Variants in F7 observed in about 807,000 individuals in gnomAD.
F7 encodes the protein coagulation factor VII.
A neutral mutation model predicts 47.5 loss-of-function variants in F7; 38 were observed. The ratio of observed to expected loss-of-function variants is 0.80; its 90% confidence interval spans 0.62 to 1.05. The LOEUF (loss-of-function observed/expected upper bound fraction) is 1.05, where lower values mean the gene tolerates loss of function less well. Among genes scored for constraint, F7 ranks in the 50% least tolerant of loss-of-function variants. The pLI is 0.00. For missense variants in F7, 575 were observed against 605.4 expected, an observed-to-expected ratio of 0.95 and a Z score of 0.53; for synonymous variants, 244 against 258.5, an observed-to-expected ratio of 0.94 and a Z score of 0.54.
chr13:113,118,639 G>C lies in F7; in HGVS notation c.966G>C (p.Trp322Cys). 1 of 1,612,942 alleles carries C rather than the reference G, an allele frequency of 6.2e-7. No individual in the cohort carries two copies. Among genetic ancestry groups the C allele is most frequent in the Middle Eastern group, 1.6e-4 (1 of 6,062 alleles). Residue 322 changes from tryptophan to cysteine, a missense_variant, in exon 8 of 8, where the codon TGG (tryptophan) becomes TGC (cysteine). Coordinates refer to ENST00000346342, the MANE Select transcript of F7 (RefSeq NM_019616.4). Reference sequence around the variant, plus strand: ...TGCGCTTCTCATTGGTCAGCGGCTGGGGCCAGCTGCTGGACCGTGGCGCCA... The same window carrying C: ...TGCGCTTCTCATTGGTCAGCGGCTGCGGCCAGCTGCTGGACCGTGGCGCCA... ...AFVRFSLVSG[W>C]GQLLDRGATA...
intron 2 of F7, among the ~76,000 whole-genome samples, chr13:113,112,906 A>T (rs1224018938): frequency 6.7e-6 from 1 of 148,850 alleles, no homozygotes; most frequent in Non-Finnish European, 1.5e-5. Flanking sequence ...ACCATACCTC[A>T]CACAGATCAC....
rs1325590499 is a variant in F7 at position 113,118,453 on chromosome 13, C to A, written c.780C>A (p.Ser260Arg). ...GCGAGCACGACGGGGATGAGCAGAGCCGGCGGGTGGCGCAGGTCATCATCC... is the reference window on the plus strand; with the variant it reads ...GCGAGCACGACGGGGATGAGCAGAGACGGCGGGTGGCGCAGGTCATCATCC... ...DLSEHDGDEQ[S>R]RRVAQVIIPS... Residue 260 changes from serine to arginine, a missense_variant, in exon 8 of 8, where the codon AGC becomes AGA. Physicochemically the swap from Ser to Arg is moderately radical, Grantham distance 110. Coordinates refer to ENST00000346342, the MANE Select transcript of F7 (RefSeq NM_019616.4). The A allele has an allele frequency of 6.2e-7, 1 of 1,605,422 alleles. No homozygotes were observed. Among genetic ancestry groups the A allele is most frequent in the Non-Finnish European group, 8.5e-7 (1 of 1,177,180 alleles).
At chr13:113,109,602 C>T (rs1418591728) in intron 1 of F7, among the ~76,000 whole-genome samples, 2 of 152,218 alleles carry the variant, frequency 1.3e-5, no homozygotes, top group Non-Finnish European at 2.9e-5. Flanking sequence ...CAGCGTCCAC[C>T]TGAGGCCTCG....
At chr13:113,108,617 G>A (rs1462754765) in intron 1 of F7, among the ~76,000 whole-genome samples, 3 of 104,498 alleles carry the variant, frequency 2.9e-5, no homozygotes, top group Non-Finnish European at 5.9e-5. Flanking sequence ...GGTGTCCCAG[G>A]AGTGTGGGTG....
chr13:113,118,909 T>G lies in F7; in HGVS notation c.1236T>G (p.Phe412Leu), dbSNP rs762882596. 1.2e-6 allele frequency: 2 copies of G among 1,612,324 alleles called. No individual in the cohort carries two copies. The highest frequency in any genetic ancestry group is 1.7e-6 in the Non-Finnish European group (2 of 1,179,846). Residue 412 changes from phenylalanine to leucine, a missense_variant, in exon 8 of 8, where the codon TTT becomes TTG. Physicochemically the swap from Phe to Leu is conservative, Grantham distance 22 (BLOSUM62 0). Coordinates refer to ENST00000346342, the MANE Select transcript of F7 (RefSeq NM_019616.4). ...AGGGCTGCGCAACCGTGGGCCACTT[T>G]GGGGTGTACACCAGGGTCTCCCAGT... is the stretch of plus-strand genomic sequence containing the variant. ...WGQGCATVGHFGVYTRVSQYI... is the reference protein window; with the variant it reads ...WGQGCATVGHLGVYTRVSQYI...
intron 2 of F7, among the ~76,000 whole-genome samples, chr13:113,111,084 G>C (rs934366387): frequency 6.6e-6 from 1 of 152,230 alleles, no homozygotes; most frequent in South Asian, 2.1e-4. Flanking sequence ...CGCGCATGCC[G>C]GTTTTCACAT....
chr13:113,118,831 T>A lies in F7; in HGVS notation c.1158T>A (p.His386Gln). ...DSCKGDSGGP[H>Q]ATHYRGTWYL... ...GCAAGGGGGACAGTGGAGGCCCACA[T>A]GCCACCCACTACCGGGGCACGTGGT... is the stretch of plus-strand genomic sequence containing the variant. The change falls in exon 8 of 8, where the codon CAT (histidine) becomes CAA (glutamine). Residue 386 changes from histidine to glutamine, a missense_variant. Transcript: ENST00000346342. 6.2e-7 allele frequency: 1 copy of A among 1,612,736 alleles called. No individual in the cohort carries two copies. The highest frequency in any genetic ancestry group is 8.5e-7 in the Non-Finnish European group (1 of 1,179,922).
In F7 at chr13:113,118,574, C is replaced by T; in HGVS notation, c.901C>T (p.Leu301=). The part of the protein sequence containing the change: ...VLTDHVVPLC[L]PERTFSERTL... ...CACTGACCATGTGGTGCCCCTCTGC[C>T]TGCCCGAACGGACGTTCTCTGAGAG... Residue 301 remains leucine (L), a synonymous_variant, in exon 8 of 8, where the codon CTG becomes TTG. Coordinates refer to ENST00000346342, the MANE Select transcript of F7 (RefSeq NM_019616.4). 1 of 1,612,784 alleles carries T rather than the reference C, an allele frequency of 6.2e-7. No homozygotes were observed. The highest frequency in any genetic ancestry group is 1.3e-5 in the African/African-American group (1 of 75,054).
chr13:113,110,397 T>A (rs1258908215), intron 1 of F7: 2 of 369,932 alleles, frequency 5.4e-6, no homozygotes, highest in Non-Finnish European at 9.7e-6. Flanking sequence ...GCCTCACGTT[T>A]ACGCGGCGGC....
intron 1 of F7, among the ~76,000 whole-genome samples, chr13:113,106,210 G>T (rs36208414): frequency 1.4e-5 from 2 of 143,526 alleles, no homozygotes; most frequent in Non-Finnish European, 3.0e-5. Context: ...GGGAGTCTGG[G>T]GCCTCTCAGA....
intron 1 of F7, chr13:113,110,411 C>T: frequency 2.5e-6 from 1 of 406,854 alleles, no homozygotes; most frequent in Non-Finnish European, 4.4e-6. Context: ...CGGCGGCGCC[C>T]GCAGCCCCCT....
chr13:113,110,296 T>G (rs1745939), intron 1 of F7: 1 of 190,208 alleles, frequency 5.3e-6, no homozygotes, highest in African/African-American at 2.4e-5. Context: ...CGGGCGGCTG[T>G]ACGGATTTCC....
intron 1 of F7, among the ~76,000 whole-genome samples, chr13:113,108,683 A>C (rs1388577937): frequency 3.5e-5 from 3 of 86,944 alleles, no homozygotes; most frequent in African/African-American, 1.6e-4. Context: ...AGGGTATCCC[A>C]GAAGTGTGAG....
intron 7 of F7, 130 bp from the exon 8 acceptor site, chr13:113,118,283 G>A: frequency 1.9e-6 from 2 of 1,056,160 alleles, no homozygotes; most frequent in South Asian, 1.6e-5. Context: ...GGGGTTAGAT[G>A]CAGGTCCCCT....
chr13:113,115,584 G>A lies in F7; in HGVS notation c.365-76G>A, dbSNP rs898602083. The stretch of plus-strand genomic sequence containing the variant: ...CAGGCAGAACACCACTGCTGACCCA[G>A]GGCATGGCCACCCCGGGGGCTGGCT... On this transcript the variant is annotated intron_variant, in intron 4 of 7. Coordinates refer to ENST00000346342, the MANE Select transcript of F7 (RefSeq NM_019616.4). 1.0e-5 allele frequency: 16 copies of A among 1,544,700 alleles called. No individual in the cohort carries two copies. In the East Asian group the frequency reaches 3.6e-4, roughly 35 times the overall value.
In F7 at chr13:113,118,678, C is replaced by A; in HGVS notation, c.1005C>A (p.Leu335=). The stretch of plus-strand genomic sequence containing the variant: ...ACCGTGGCGCCACGGCCCTGGAGCT[C>A]ATGGTCCTCAACGTGCCCCGGCTGA... ...LLDRGATALE[L]MVLNVPRLMT... is the part of the protein sequence containing the mutation. Residue 335 remains leucine, a synonymous_variant, in exon 8 of 8, where the codon CTC becomes CTA. Coordinates refer to ENST00000346342, the MANE Select transcript of F7 (RefSeq NM_019616.4). The A allele has an allele frequency of 6.2e-7, 1 of 1,612,916 alleles. No individual in the cohort carries two copies. Among genetic ancestry groups the A allele is most frequent in the Non-Finnish European group, 8.5e-7 (1 of 1,179,968 alleles).
At chr13:113,106,711 G>A (rs974462074) in intron 1 of F7, 2 of 754,152 alleles carry the variant, frequency 2.7e-6, no homozygotes, top group African/African-American at 3.7e-5. Context: ...GCGTGAGGAT[G>A]GCTAGTGGGG....
chr13:113,110,518 T>C (rs368988344), intron 1 of F7, 172 bp from the exon 2 acceptor site: 1 of 826,970 alleles, frequency 1.2e-6, no homozygotes, highest in South Asian at 1.8e-5. Context: ...CGGGGGTGGC[T>C]GACCCGGGAG....
chr13:113,116,269 T>A (rs1340538194), intron 5 of F7, among the ~76,000 whole-genome samples: 1 of 152,184 alleles, frequency 6.6e-6, no homozygotes, highest in African/African-American at 2.4e-5. Context: ...CCACTGTGTC[T>A]CAAAGAGGCG....
Sources: gnomAD v4.1 joint callset for allele counts (sites outside exome capture counted in the v4.1 genomes callset) on GRCh38, gnomAD v4.1.1 for gene constraint, MANE v1.5 for transcripts, NCBI Gene and HGNC (gene_info 2026-07-23, HGNC 2026-07-21) for gene names.